The following ZBTB20 variants were observed in gnomAD, a reference collection of about 807,000 sequenced individuals.
ZBTB20 encodes the protein zinc finger and BTB domain-containing protein 20.
Under a neutral mutation model 56.9 loss-of-function variants are expected in ZBTB20, and 9 were observed. The observed-to-expected ratio is 0.16, with a 90% CI of 0.10 to 0.28. ZBTB20 has a LOEUF of 0.28. ZBTB20 is among the 10% of genes least tolerant of loss of function. ZBTB20 has a pLI of 1.00. For missense variants in ZBTB20, 655 were observed against 1,003.0 expected (o/e 0.65, Z 4.69); for synonymous variants, 417 against 420.7 (o/e 0.99, Z 0.11).
intron 2 of ZBTB20, among the ~76,000 whole-genome samples, chr3:115,060,043 C>T (rs530830846): frequency 8.1e-4 from 123 of 152,196 alleles, no homozygotes; most frequent in Middle Eastern, 3.4e-3. Context: ...CTATTTAAGA[C>T]GACAAGATCA....
intron 7 of ZBTB20, among the ~76,000 whole-genome samples, chr3:114,458,454 T>A (rs947951276): frequency 6.6e-6 from 1 of 152,192 alleles, no homozygotes; most frequent in South Asian, 2.1e-4. Flanking sequence ...TGAAGCTTTT[T>A]GTTTGGCAAT....
At chr3:114,486,376 A>G (rs2042155879) in intron 7 of ZBTB20, among the ~76,000 whole-genome samples, 1 of 152,106 alleles carries the variant, frequency 6.6e-6, no homozygotes, top group Admixed American at 6.5e-5. Context: ...AAGTAAATAG[A>G]TAGTCTACAG....
intron 3 of ZBTB20, among the ~76,000 whole-genome samples, chr3:114,945,692 T>C (rs2076862281): frequency 6.9e-6 from 1 of 145,372 alleles, no homozygotes; most frequent in Admixed American, 6.6e-5. Context: ...AATCAACAAA[T>C]ATTAGCAAGT....
intron 6 of ZBTB20, among the ~76,000 whole-genome samples, chr3:114,501,285 A>C (rs2043922698): frequency 6.6e-6 from 1 of 152,128 alleles, no homozygotes; most frequent in South Asian, 2.1e-4. Flanking sequence ...AGCTGACCCT[A>C]ACAGTGTTCT....
At chr3:114,786,721 A>C (rs1226344670) in intron 5 of ZBTB20, among the ~76,000 whole-genome samples, 1 of 152,012 alleles carries the variant, frequency 6.6e-6, no homozygotes, top group Non-Finnish European at 1.5e-5. Flanking sequence ...TGGCTAAAAG[A>C]AAAAAAGTAT....
intron 2 of ZBTB20, among the ~76,000 whole-genome samples, chr3:114,989,324 A>G (rs2078696523): frequency 6.6e-6 from 1 of 152,210 alleles, no homozygotes; most frequent in South Asian, 2.1e-4. Flanking sequence ...ACAGATGGCT[A>G]GCCAGTTTTC....
At chr3:114,818,933 A>G (rs2073095991) in intron 4 of ZBTB20, among the ~76,000 whole-genome samples, 1 of 152,012 alleles carries the variant, frequency 6.6e-6, no homozygotes, top group African/African-American at 2.4e-5. Flanking sequence ...AAAAGAAATT[A>G]TTAAAACTAT....
At chr3:114,444,010 A>C (rs2091100595) in intron 7 of ZBTB20, among the ~76,000 whole-genome samples, 1 of 152,216 alleles carries the variant, frequency 6.6e-6, no homozygotes, top group Non-Finnish European at 1.5e-5. Flanking sequence ...TAAAGGAGGC[A>C]GAATGTGTTT....
chr3:115,142,403 C>T (rs954192536), intron 1 of ZBTB20, among the ~76,000 whole-genome samples: 2 of 152,134 alleles, frequency 1.3e-5, no homozygotes, highest in Admixed American at 6.5e-5. Flanking sequence ...TGGCTCACAC[C>T]TGTAATCCTA....
At chr3:114,580,862 C>G (rs1190038906) in intron 6 of ZBTB20, among the ~76,000 whole-genome samples, 5 of 151,776 alleles carry the variant, frequency 3.3e-5, no homozygotes, top group African/African-American at 1.2e-4. Context: ...ATAAAAATGT[C>G]AATTCTCCCC....
chr3:114,847,879 G>T (rs2074795699), intron 4 of ZBTB20, among the ~76,000 whole-genome samples: 1 of 152,132 alleles, frequency 6.6e-6, no homozygotes, highest in African/African-American at 2.4e-5. Flanking sequence ...CACTATCAAT[G>T]TGAATTAACT....
At chr3:115,014,646 T>G (rs1247493074) in intron 2 of ZBTB20, among the ~76,000 whole-genome samples, 2 of 151,718 alleles carry the variant, frequency 1.3e-5, no homozygotes, top group African/African-American at 4.8e-5. Flanking sequence ...GCTCTTAGTC[T>G]GCTAGGAGAT....
chr3:114,351,991 C>T, intron 10 of ZBTB20, 113 bp from the exon 11 acceptor site: 1 of 1,336,232 alleles, frequency 7.5e-7, no homozygotes, highest in Non-Finnish European at 1.0e-6. Context: ...AAGCACTGCC[C>T]TTACATACGC....
intron 2 of ZBTB20, among the ~76,000 whole-genome samples, chr3:115,017,078 G>C (rs1283530153): frequency 6.6e-6 from 1 of 151,756 alleles, no homozygotes; most frequent in African/African-American, 2.4e-5. Context: ...AATAGGGAGA[G>C]AGGAAGTTAA....
intron 6 of ZBTB20, among the ~76,000 whole-genome samples, chr3:114,508,101 GT>G (rs1002643501): frequency 9.9e-5 from 15 of 152,018 alleles, no homozygotes; most frequent in African/African-American, 3.6e-4. Flanking sequence ...TAAAGAAAAA[GT>G]TTTTTGAAGG....
intron 3 of ZBTB20, among the ~76,000 whole-genome samples, chr3:114,925,199 G>C (rs762878061): frequency 1.3e-5 from 2 of 151,662 alleles, no homozygotes; most frequent in Non-Finnish European, 2.9e-5. Flanking sequence ...AGCCAGGATG[G>C]TCTCGATCTC....
At chr3:114,769,598 A>T (rs907680374) in intron 5 of ZBTB20, among the ~76,000 whole-genome samples, 3 of 124,030 alleles carry the variant, frequency 2.4e-5, no homozygotes. Context: ...TATATATATA[A>T]TGGAATACTA....
chr3:114,549,741 T>C (rs976324806), intron 6 of ZBTB20, among the ~76,000 whole-genome samples: 2 of 151,574 alleles, frequency 1.3e-5, no homozygotes, highest in African/African-American at 2.4e-5. Context: ...GAGTTACAAG[T>C]TGACCTTTTT....
intron 4 of ZBTB20, among the ~76,000 whole-genome samples, chr3:114,875,101 C>G (rs1274166645): frequency 6.6e-6 from 1 of 152,110 alleles, no homozygotes; most frequent in African/African-American, 2.4e-5. Flanking sequence ...GTGACTACCC[C>G]CATCTAGCTA....
Sources: allele counts gnomAD v4.1 joint callset (sites outside exome capture counted in the v4.1 genomes callset), GRCh38; gene constraint gnomAD v4.1.1; transcripts MANE v1.5; gene names NCBI Gene and HGNC (gene_info 2026-07-23, HGNC 2026-07-21).